The following SART1 variants were observed in gnomAD, a reference collection of about 807,000 sequenced individuals.
The protein encoded by SART1 is spliceosome associated factor 1, recruiter of U4/U6.U5 tri-snRNP, also known as U4/U6.U5 tri-snRNP-associated protein 1.
In SART1, 28 loss-of-function variants were observed where a neutral mutation model predicts 105.0. That is an observed-to-expected ratio of 0.27 (90% confidence interval 0.20 to 0.37). The LOEUF is 0.37. Ranked by LOEUF, SART1 falls within the 10% of genes least tolerant of loss-of-function variation. The probability of loss-of-function intolerance (pLI) is 1.00; values close to 1 mark genes in which losing one functional copy is unlikely to be tolerated. For missense variants in SART1, 894 were observed against 1,106.5 expected (o/e 0.81, Z 2.72); for synonymous variants, 472 against 462.9 (o/e 1.02, Z -0.25).
chr11:65,973,006 T>TA (rs370491203), intron 12 of SART1, among the ~76,000 whole-genome samples: 6 of 151,716 alleles, frequency 4.0e-5, no homozygotes, highest in East Asian at 1.9e-4. Flanking sequence ...CTGTCTCTAC[T>TA]AAAAAAAATA....
Position 65,978,716 on chromosome 11 carries a change from C to T in SART1, c.2262+27C>T. 2.5e-6 allele frequency: 4 copies of T among 1,613,410 alleles called. No individual in the cohort carries two copies. The highest frequency in any genetic ancestry group is 3.4e-6 in the Non-Finnish European group (4 of 1,179,634). ...TGGGTGCCCTTGGGGATGTGGGGGGCCCTGTGCCTGCCGGGGCAGGGGTGG... is the reference window on the plus strand; with the variant it reads ...TGGGTGCCCTTGGGGATGTGGGGGGTCCTGTGCCTGCCGGGGCAGGGGTGG... On this transcript the variant is annotated intron_variant, in intron 18 of 19. Coordinates refer to ENST00000312397, the MANE Select transcript of SART1 (RefSeq NM_005146.5). This position sits in a 1 kb window ranked among gnomAD's most constrained non-coding sequence, Gnocchi z 6.8.
chr11:65,964,771 C>T (rs1426834621), intron 3 of SART1, among the ~76,000 whole-genome samples: 5 of 152,306 alleles, frequency 3.3e-5, no homozygotes, highest in Non-Finnish European at 7.3e-5. Context: ...CTGTGGCCGT[C>T]GCATACTCAC....
intron 12 of SART1, among the ~76,000 whole-genome samples, chr11:65,969,601 C>T (rs1313465939): frequency 6.6e-6 from 1 of 152,222 alleles, no homozygotes; most frequent in Non-Finnish European, 1.5e-5. Flanking sequence ...AGGCGTGCGC[C>T]TGTGGGTCTC....
chr11:65,970,793 AG>A (rs1337871237), intron 12 of SART1, among the ~76,000 whole-genome samples: 365 of 69,648 alleles, frequency 5.2e-3, no homozygotes, highest in East Asian at 8.1e-3. Context: ...TGAGCTGCTG[AG>A]GGAGGGGGAT....
chr11:65,972,895 G>A (rs984519862), intron 12 of SART1, among the ~76,000 whole-genome samples: 4 of 152,062 alleles, frequency 2.6e-5, no homozygotes, highest in African/African-American at 9.7e-5. Flanking sequence ...AACGTGGCCG[G>A]GCGCGATGGC....
intron 12 of SART1, among the ~76,000 whole-genome samples, chr11:65,972,895 G>T (rs984519862): frequency 3.9e-5 from 6 of 152,062 alleles, no homozygotes; most frequent in Admixed American, 3.9e-4. Context: ...AACGTGGCCG[G>T]GCGCGATGGC....
rs1026441018 is a variant in SART1 at position 65,980,026 on chromosome 11, T to A, written c.*996T>A. On this transcript the variant is annotated 3_prime_UTR_variant, in exon 20 of 20. Coordinates refer to ENST00000312397, the MANE Select transcript of SART1 (RefSeq NM_005146.5). ...TACTTGGGATGCTGAGGTGGGAGGATCACTTGAACCTGGGAGACACAGGCT... is the reference window on the plus strand; with the variant it reads ...TACTTGGGATGCTGAGGTGGGAGGAACACTTGAACCTGGGAGACACAGGCT... 6.6e-6 allele frequency among the ~76,000 whole-genome samples: 1 copy of A among 152,010 alleles called. No individual in the cohort carries two copies. The highest frequency in any genetic ancestry group is 1.5e-5 in the Non-Finnish European group (1 of 68,018).
At position 65,976,373 on chromosome 11, in the gene SART1, C is replaced by T; in HGVS notation, c.1573-22C>T. 6.6e-7 allele frequency: 1 copy of T among 1,507,116 alleles called. No individual in the cohort carries two copies. Among genetic ancestry groups the T allele is most frequent in the Non-Finnish European group, 8.8e-7 (1 of 1,131,230 alleles). 93.4% of individuals were successfully genotyped at this position (1,507,116 alleles called of 1,614,324 possible). A position where few individuals can be genotyped will look rare whatever the true frequency, so the allele number is the denominator to read the frequency against. ...TCACCCCAGAAACTGCTGGGTTTGC[C>T]CACAGCCGCTCCCTCCCCCAGGTGG... On this transcript the variant is annotated intron_variant, in intron 12 of 19. Coordinates refer to ENST00000312397, the MANE Select transcript of SART1 (RefSeq NM_005146.5). This position sits in a 1 kb window ranked among gnomAD's most constrained non-coding sequence, Gnocchi z 5.1.
chr11:65,971,738 A>G (rs759219784), intron 12 of SART1, among the ~76,000 whole-genome samples: 14 of 152,006 alleles, frequency 9.2e-5, no homozygotes, highest in Non-Finnish European at 1.9e-4. Context: ...TAAGGGTTTC[A>G]CAAAGGAGAG....
Position 65,976,698 on chromosome 11 carries a change from G to A in SART1, c.1789G>A (p.Glu597Lys), listed in dbSNP as rs770434728. 1.8e-5 allele frequency: 29 copies of A among 1,613,530 alleles called. No individual in the cohort carries two copies. Among genetic ancestry groups the A allele is most frequent in the South Asian group, 6.6e-5 (6 of 91,072 alleles). ...DEERSANGGS[E>K]SDGEENIGWS... ...GGAGCGCTCAGCCAACGGTGGCTCC[G>A]AATCTGACGGGGAGGAGAACATCGG... Residue 597 changes from glutamate (E) to lysine (K), a missense_variant, in exon 14 of 20, where the codon GAA becomes AAA. This residue lies in a region of SART1 where 182 missense variants were observed against 328.3 expected (regional missense o/e 0.55). Coordinates refer to ENST00000312397, the MANE Select transcript of SART1 (RefSeq NM_005146.5). This position sits in a 1 kb window ranked among gnomAD's most constrained non-coding sequence, Gnocchi z 5.1.
intron 1 of SART1, 41 bp downstream of exon 1, chr11:65,962,134 G>GGGGGGGGGGGGGGGCGCCC: frequency 2.6e-6 from 1 of 378,092 alleles, no homozygotes. Context: ...GTCGGGCGGG[G>GGGGGGGGGGGGGGGCGCCC]GTCCCGGAAC....
Position 65,978,974 on chromosome 11 carries a change from C to T in SART1, c.2385-38C>T, listed in dbSNP as rs760168545. On this transcript the variant is annotated intron_variant, in intron 19 of 19. Coordinates refer to ENST00000312397, the MANE Select transcript of SART1 (RefSeq NM_005146.5). The surrounding 1 kb of genome is among the most constrained non-coding windows in gnomAD (Gnocchi z 6.8). The stretch of plus-strand genomic sequence containing the variant: ...TGGGGAGGGGTGGCGTGGCCTGTGC[C>T]CGCCTCTGCAGCCTCACGCCCCTGT... The T allele has an allele frequency of 6.2e-7, 1 of 1,613,912 alleles. No homozygotes were observed. The highest frequency in any genetic ancestry group is 8.5e-7 in the Non-Finnish European group (1 of 1,179,964).
At position 65,977,754 on chromosome 11, in the gene SART1, C is replaced by G. The variant is rs1565318799; in HGVS notation, c.2037-10C>G. The G allele has an allele frequency of 6.2e-7, 1 of 1,614,044 alleles. No individual in the cohort carries two copies. Among genetic ancestry groups the G allele is most frequent in the Non-Finnish European group, 8.5e-7 (1 of 1,179,996 alleles). On this transcript the variant is annotated splice_polypyrimidine_tract_variant and intron_variant, in intron 16 of 19. Transcript: ENST00000312397. The stretch of plus-strand genomic sequence containing the variant: ...CTCCTCACACTAAGGCCTCCTCTGT[C>G]TCGGGCCAGGGCCATCGATGACAAG...
At chr11:65,964,998 G>T (rs921016970) in intron 3 of SART1, 94 bp from the exon 4 acceptor site, 28 of 1,458,904 alleles carry the variant, frequency 1.9e-5, no homozygotes, top group African/African-American at 2.8e-5. Context: ...ACCCCTTCTG[G>T]CCCCCTGAGC....
At chr11:65,967,854 A>AC in intron 12 of SART1, 33 bp downstream of exon 12, 1 of 1,454,532 alleles carries the variant, frequency 6.9e-7, no homozygotes, top group South Asian at 1.4e-5. Context: ...TGACTGCGTC[A>AC]GCAGTCACCT....
intron 12 of SART1, among the ~76,000 whole-genome samples, chr11:65,969,222 T>C (rs1217316957): frequency 2.6e-5 from 4 of 152,202 alleles, no homozygotes; most frequent in Admixed American, 6.5e-5. Flanking sequence ...AATGCTGTGC[T>C]GTTATAGGGA....
rs776805708 is a variant in SART1, at chr11:65,966,095, G to A, written c.858G>A (p.Glu286=). Reference sequence around the variant, plus strand: ...CCCCAGGCGTGCTGCAGGAGGAGGAGGACGTGCTGGTGAACGTGAACCTGG... The same window carrying A: ...CCCCAGGCGTGCTGCAGGAGGAGGAAGACGTGCTGGTGAACGTGAACCTGG... The part of the protein sequence containing the change: ...LKDKGVLQEE[E]DVLVNVNLVD... Residue 286 remains glutamate, a synonymous_variant, in exon 8 of 20, where the codon GAG becomes GAA. Transcript: ENST00000312397. 3.1e-6 allele frequency: 5 copies of A among 1,613,986 alleles called. No homozygotes were observed. The Admixed American group carries it at 6.7e-5, about 22-fold the overall frequency.
At chr11:65,966,329 C>T in intron 8 of SART1, 21 bp from the exon 9 acceptor site, 3 of 1,613,990 alleles carry the variant, frequency 1.9e-6, no homozygotes, top group Non-Finnish European at 2.5e-6. Context: ...TGGGTCCCAA[C>T]CTGTACCTCT....
At chr11:65,972,143 T>G (rs1277067221) in intron 12 of SART1, among the ~76,000 whole-genome samples, 2 of 152,098 alleles carry the variant, frequency 1.3e-5, no homozygotes, top group Non-Finnish European at 2.9e-5. Flanking sequence ...CATTTCTAGG[T>G]TAAATGCAAC....
Sources: gnomAD v4.1 joint callset for allele counts (sites outside exome capture counted in the v4.1 genomes callset) on GRCh38, gnomAD v4.1.1 for gene constraint, gnomAD v4.1.1 regional missense constraint, Gnocchi (gnomAD v3.1) non-coding constraint, MANE v1.5 for transcripts, NCBI Gene and HGNC (gene_info 2026-07-23, HGNC 2026-07-21) for gene names.